STRIP2: variants seen among roughly 807,000 people sequenced by gnomAD.
The protein encoded by STRIP2 is striatin interacting protein 2, also known as striatin-interacting protein 2.
A neutral mutation model predicts 107.1 loss-of-function variants in STRIP2; 84 were observed. The observed-to-expected ratio is 0.78, with a 90% CI of 0.66 to 0.94. The LOEUF (loss-of-function observed/expected upper bound fraction) is 0.94, where lower values mean the gene tolerates loss of function less well. Ranked by LOEUF, STRIP2 falls within the 40% of genes least tolerant of loss-of-function variation. The pLI is 0.00. For missense variants in STRIP2, 888 were observed against 1,034.2 expected, an observed-to-expected ratio of 0.86 and a Z score of 1.94; for synonymous variants, 394 against 400.4, an observed-to-expected ratio of 0.98 and a Z score of 0.19.
intron 13 of STRIP2, among the ~76,000 whole-genome samples, chr7:129,462,583 T>G (rs1157986942): frequency 2.0e-5 from 3 of 152,190 alleles, no homozygotes; most frequent in Non-Finnish European, 2.9e-5. Flanking sequence ...TTCCTGTTTC[T>G]CCAGTCCATA....
At chr7:129,438,624 CT>C (rs1292939065) in intron 1 of STRIP2, among the ~76,000 whole-genome samples, 1 of 152,158 alleles carries the variant, frequency 6.6e-6, no homozygotes, top group Non-Finnish European at 1.5e-5. Context: ...GATTCTGACA[CT>C]AACTACCTAG....
chr7:129,477,822 A>T (rs532443740), intron 18 of STRIP2: 4 of 342,590 alleles, frequency 1.2e-5, no homozygotes, highest in Non-Finnish European at 2.3e-5. Flanking sequence ...CACAGGAGCA[A>T]GAGAGAAGCC....
rs986426663 is a variant in STRIP2 at position 129,482,806 on chromosome 7, G to A, written c.2050-36G>A. On this transcript the variant is annotated intron_variant, in intron 19 of 20. Transcript: ENST00000249344. ...CTGTAAACTGGAAATTCCAAGAAAC[G>A]TTAGATCTTTACCCCACCCCTCTTT... is the stretch of plus-strand genomic sequence containing the variant. 8.7e-6 allele frequency: 14 copies of A among 1,608,584 alleles called. No homozygotes were observed. The Admixed American group carries it at 1.5e-4, about 17-fold the overall frequency.
At chr7:129,442,153 A>G (rs974594551) in intron 2 of STRIP2, among the ~76,000 whole-genome samples, 1 of 152,142 alleles carries the variant, frequency 6.6e-6, no homozygotes, top group African/African-American at 2.4e-5. Context: ...TGAACCTGGG[A>G]GGCAGAGGTT....
At chr7:129,448,894 C>G (rs1798107869) in intron 3 of STRIP2, among the ~76,000 whole-genome samples, 1 of 152,194 alleles carries the variant, frequency 6.6e-6, no homozygotes, top group Admixed American at 6.5e-5. Flanking sequence ...CTTCATAAAT[C>G]TATTTTATAA....
At chr7:129,464,259 C>A in intron 15 of STRIP2, 118 bp downstream of exon 15, 1 of 791,672 alleles carries the variant, frequency 1.3e-6, no homozygotes. Flanking sequence ...ATCTCCCCGT[C>A]TCTGCCCACC....
chr7:129,478,160 A>T (rs1799021078), intron 18 of STRIP2: 4 of 246,864 alleles, frequency 1.6e-5, no homozygotes, highest in Middle Eastern at 2.9e-3. Flanking sequence ...AGCCTGTTTT[A>T]CTATGATGTA....
chr7:129,452,535 A>G (rs1488006167), intron 4 of STRIP2, among the ~76,000 whole-genome samples: 1 of 152,152 alleles, frequency 6.6e-6, no homozygotes, highest in African/African-American at 2.4e-5. Flanking sequence ...GTACCTTCAT[A>G]TGTTTGCCCA....
At chr7:129,434,717 C>T in intron 1 of STRIP2, 116 bp downstream of exon 1, 1 of 1,224,788 alleles carries the variant, frequency 8.2e-7, no homozygotes. Context: ...CAGCCCCGCG[C>T]AGTGGGCGCC....
chr7:129,488,019 G>A lies in STRIP2; in HGVS notation c.*2190G>A, dbSNP rs1484858095. On this transcript the variant is annotated 3_prime_UTR_variant, in exon 21 of 21. Coordinates refer to ENST00000249344, the MANE Select transcript of STRIP2 (RefSeq NM_020704.3). ...ATCATTTTTTTCCACAGACTTGCTG[G>A]GACTAGCTTTCAGGTATTGACAGCC... is the stretch of plus-strand genomic sequence containing the variant. The A allele has an allele frequency of 6.6e-6, 1 of 152,016 alleles. No individual in the cohort carries two copies. The highest frequency in any genetic ancestry group is 6.6e-5 in the Admixed American group (1 of 15,238). 9.4% of individuals were successfully genotyped at this position (152,016 alleles called of 1,614,324 possible). A position where few individuals can be genotyped will look rare whatever the true frequency, so the allele number is the denominator to read the frequency against.
chr7:129,436,592 T>G (rs901923872), intron 1 of STRIP2, among the ~76,000 whole-genome samples: 1 of 152,238 alleles, frequency 6.6e-6, no homozygotes, highest in East Asian at 1.9e-4. Context: ...TACCTTCTGC[T>G]GCAGCAGGAC....
chr7:129,444,972 G>A (rs1443055917), intron 3 of STRIP2, among the ~76,000 whole-genome samples: 2 of 152,132 alleles, frequency 1.3e-5, no homozygotes, highest in Non-Finnish European at 2.9e-5. Context: ...TGACCAGCTG[G>A]TCACGTGGTC....
intron 1 of STRIP2, among the ~76,000 whole-genome samples, chr7:129,436,800 T>A (rs1797753379): frequency 1.3e-5 from 2 of 152,226 alleles, no homozygotes; most frequent in South Asian, 4.1e-4. Flanking sequence ...CGTGTATCAC[T>A]GTTTATGGAA....
chr7:129,443,909 T>A (rs1797967364), intron 2 of STRIP2, 115 bp from the exon 3 acceptor site: 1 of 759,714 alleles, frequency 1.3e-6, no homozygotes, highest in Non-Finnish European at 2.3e-6. Flanking sequence ...TAGCTTTGGA[T>A]TCATTGGACA....
rs779192222 is a variant in STRIP2 at position 129,440,048 on chromosome 7, G to GT, written c.159dup (p.Glu54Ter). 2.0e-5 allele frequency: 32 copies of GT among 1,614,050 alleles called. No homozygotes were observed. The highest frequency in any genetic ancestry group is 2.7e-5 in the Non-Finnish European group (32 of 1,180,024). On this transcript the variant is annotated frameshift_variant, in exon 2 of 21. Coordinates refer to ENST00000249344, the MANE Select transcript of STRIP2 (RefSeq NM_020704.3). LOFTEE classifies it high-confidence loss of function. ...GCTCTGTGGACTGTCCCACTCTGGA[G>GT]TTTGAGTATGGAGATGCAGATGGGC...
chr7:129,436,426 T>A (rs565355828), intron 1 of STRIP2, among the ~76,000 whole-genome samples: 7 of 152,340 alleles, frequency 4.6e-5, no homozygotes, highest in Non-Finnish European at 8.8e-5. Flanking sequence ...TACTTTGCAG[T>A]GTCCAGAGAC....
At chr7:129,440,181 C>T in intron 2 of STRIP2, 90 bp downstream of exon 2, 1 of 1,091,230 alleles carries the variant, frequency 9.2e-7, no homozygotes, top group East Asian at 2.4e-5. Flanking sequence ...TGTCTGTTCT[C>T]ACCAAGTGGC....
In STRIP2 at chr7:129,445,385, T is replaced by A. The variant is rs191929114; in HGVS notation, c.274+1287T>A. Reference sequence around the variant, plus strand: ...AATCTTAACTTCCAGTTTAATGGAATCATTGTTGTGTCTCCTGGTGGCAGT... The same window carrying A: ...AATCTTAACTTCCAGTTTAATGGAAACATTGTTGTGTCTCCTGGTGGCAGT... On this transcript the variant is annotated intron_variant, in intron 3 of 20. Coordinates refer to ENST00000249344, the MANE Select transcript of STRIP2 (RefSeq NM_020704.3). Among the ~76,000 whole-genome samples, 378 of 152,180 alleles carry A rather than the reference T, an allele frequency of 2.5e-3. 2 individuals are homozygous for A. Among genetic ancestry groups the A allele is most frequent in the African/African-American group, 7.6e-3 (315 of 41,512 alleles).
At chr7:129,475,240 G>A (rs2151014525) in intron 18 of STRIP2, among the ~76,000 whole-genome samples, 1 of 152,310 alleles carries the variant, frequency 6.6e-6, no homozygotes, top group Admixed American at 6.5e-5. Context: ...AATGGTTGTT[G>A]AGAGCAGTGG....
Sources: allele counts gnomAD v4.1 joint callset (sites outside exome capture counted in the v4.1 genomes callset), GRCh38; gene constraint gnomAD v4.1.1; transcripts MANE v1.5; gene names NCBI Gene and HGNC (gene_info 2026-07-23, HGNC 2026-07-21).